Variants in RAPGEFL1 observed in about 807,000 individuals in gnomAD.
RAPGEFL1 encodes the protein Rap guanine nucleotide exchange factor like 1, also known as rap guanine nucleotide exchange factor-like 1.
A neutral mutation model predicts 64.4 loss-of-function variants in RAPGEFL1; 31 were observed. The ratio of observed to expected loss-of-function variants is 0.48; its 90% CI spans 0.36 to 0.65. RAPGEFL1 has a LOEUF of 0.65. Ranked by LOEUF, RAPGEFL1 falls within the 30% of genes least tolerant of loss-of-function variation. The pLI, the probability that RAPGEFL1 is intolerant of heterozygous loss-of-function variation, is 0.00. For missense variants in RAPGEFL1, 682 were observed against 677.4 expected (o/e 1.01, Z -0.08); for synonymous variants, 331 against 274.1 (o/e 1.21, Z -2.05).
chr17:40,186,300 GGCTCAC>G (rs1270072252), intron 4 of RAPGEFL1, among the ~76,000 whole-genome samples: 2 of 149,770 alleles, frequency 1.3e-5, no homozygotes, highest in African/African-American at 4.9e-5. Context: ...CGGGCGCGGT[GGCTCAC>G]GCCTGTAATC....
chr17:40,178,306 G>A lies in RAPGEFL1; in HGVS notation c.445G>A (p.Glu149Lys), dbSNP rs1438159091. Residue 149 changes from glutamate to lysine, a missense_variant, in exon 1 of 15, where the codon GAG (glutamate) becomes AAG (lysine). Glu to Lys is a moderately conservative substitution (Grantham distance 56). Transcript: ENST00000620260. ...GCCCTGGGCCCCTCTGGGCGCCCCC[G>A]AGCGGCCCGAGCATCTTCTGAACCG... ...SPPWAPLGAPERPEHLLNRVL... is the reference protein window; with the variant it reads ...SPPWAPLGAPKRPEHLLNRVL... 5 of 628,070 alleles carry A rather than the reference G, an allele frequency of 8.0e-6. No individual in the cohort carries two copies. Among genetic ancestry groups the A allele is most frequent in the Non-Finnish European group, 1.4e-5 (5 of 347,516 alleles). The allele number at this position is 628,070 out of a possible 1,614,324, so 38.9% of individuals were successfully genotyped here. A position where few individuals can be genotyped will look rare whatever the true frequency, so the allele number is the denominator to read the frequency against.
intron 4 of RAPGEFL1, 48 bp downstream of exon 4, chr17:40,184,726 G>A (rs888320734): frequency 6.8e-6 from 8 of 1,168,492 alleles, no homozygotes; most frequent in African/African-American, 6.2e-5. Flanking sequence ...GGTCCCCTGC[G>A]TTCCTCTACT....
intron 4 of RAPGEFL1, among the ~76,000 whole-genome samples, chr17:40,185,519 CAAAAAAAAAA>C (rs1012933421): frequency 8.3e-5 from 3 of 36,252 alleles, no homozygotes; most frequent in Admixed American, 8.2e-4. Flanking sequence ...GTCTCCACTA[CAAAAAAAAAA>C]AAAAAAAAAA....
In RAPGEFL1 at chr17:40,193,363, C is replaced by A. The variant is rs1287330575; in HGVS notation, c.1810C>A (p.His604Asn). ...AGGCTCATTCCTTGTCATCTCCCAGCATTCAGTGGCCGAAAAAGTGAGGAC... is the reference window on the plus strand; with the variant it reads ...AGGCTCATTCCTTGTCATCTCCCAGAATTCAGTGGCCGAAAAAGTGAGGAC... ...VDGLVNIEKL[H>N]SVAEKVRTIR... The change falls in exon 14 of 15, where the codon CAT (histidine) becomes AAT (asparagine). Residue 604 changes from histidine to asparagine, a missense_variant and splice_region_variant. Physicochemically the swap from His to Asn is moderately conservative, Grantham distance 68. Around this residue, in one of 2 missense-constraint regions of RAPGEFL1, gnomAD observed 411 missense variants for 519.4 expected, o/e 0.79. Coordinates refer to ENST00000620260, the MANE Select transcript of RAPGEFL1 (RefSeq NM_016339.6). 1.2e-6 allele frequency: 2 copies of A among 1,614,206 alleles called. No individual in the cohort carries two copies. Among genetic ancestry groups the A allele is most frequent in the East Asian group, 4.5e-5 (2 of 44,890 alleles).
At position 40,178,208 on chromosome 17, in the gene RAPGEFL1, G is replaced by A; in HGVS notation, c.347G>A (p.Gly116Glu). ...EEVPGPGPLG[G>E]GGPLRSPSSY... ...GTGCCGGGGCCCGGGCCTCTCGGGG[G>A]AGGGGGGCCCCTGCGCTCCCCTTCC... Residue 116 changes from glycine (G) to glutamate (E), a missense_variant, in exon 1 of 15, where the codon GGA (glycine) becomes GAA (glutamate). By Grantham distance (98) the Gly-to-Glu change is moderately conservative. Coordinates refer to ENST00000620260, the MANE Select transcript of RAPGEFL1 (RefSeq NM_016339.6). 1 of 568,992 alleles carries A rather than the reference G, an allele frequency of 1.8e-6. No individual in the cohort carries two copies. Among genetic ancestry groups the A allele is most frequent in the Non-Finnish European group, 3.2e-6 (1 of 316,856 alleles). 35.2% of individuals were successfully genotyped at this position (568,992 alleles called of 1,614,324 possible).
At position 40,193,425 on chromosome 17, in the gene RAPGEFL1, C is replaced by G; in HGVS notation, c.1864+8C>G. 1 of 1,614,080 alleles carries G rather than the reference C, an allele frequency of 6.2e-7. No homozygotes were observed. The highest frequency in any genetic ancestry group is 8.5e-7 in the Non-Finnish European group (1 of 1,179,990). On this transcript the variant is annotated splice_region_variant and intron_variant, in intron 14 of 14. Transcript: ENST00000620260. ...ACCGGAGCCGGCCCCTTTGTGAGTA[C>G]CCAGGGTACTGAGAGCAGTACAGAT...
rs372404509 is a variant in RAPGEFL1 at position 40,192,972 on chromosome 17, G to A, written c.1791G>A (p.Leu597=). Residue 597 remains leucine (L), a synonymous_variant, in exon 13 of 15, where the codon TTG becomes TTA. Coordinates refer to ENST00000620260, the MANE Select transcript of RAPGEFL1 (RefSeq NM_016339.6). ...HEGSKTLVDG[L]VNIEKLHSVA... ...GGAGTAAGACCCTTGTAGATGGTTT[G>A]GTGAACATCGAGAAGCTGGTGAGTG... is the stretch of plus-strand genomic sequence containing the variant. 1.1e-4 allele frequency: 181 copies of A among 1,613,852 alleles called. No individual in the cohort carries two copies. The highest frequency in any genetic ancestry group is 1.5e-4 in the Non-Finnish European group (174 of 1,179,854).
Position 40,192,628 on chromosome 17 carries a change from G to A in RAPGEFL1, c.1679G>A (p.Ser560Asn). The A allele has an allele frequency of 6.2e-7, 1 of 1,613,862 alleles. No individual in the cohort carries two copies. Among genetic ancestry groups the A allele is most frequent in the Non-Finnish European group, 8.5e-7 (1 of 1,179,886 alleles). ...TAGGACCCCTGCAGGAACCACAAAAGCTACCGAGAAGTGATCTCCAAAATG... is the reference window on the plus strand; with the variant it reads ...TAGGACCCCTGCAGGAACCACAAAAACTACCGAGAAGTGATCTCCAAAATG... Reference protein sequence around the residue: ...NLTDPCRNHKSYREVISKMKP... With the variant: ...NLTDPCRNHKNYREVISKMKP... Residue 560 changes from serine (S) to asparagine (N), a missense_variant, in exon 12 of 15, where the codon AGC becomes AAC. This residue lies in a region of RAPGEFL1 where 411 missense variants were observed against 519.4 expected (regional missense o/e 0.79). Coordinates refer to ENST00000620260, the MANE Select transcript of RAPGEFL1 (RefSeq NM_016339.6).
At chr17:40,190,271 C>A (rs1303590679) in intron 6 of RAPGEFL1, among the ~76,000 whole-genome samples, 163 bp from the exon 7 acceptor site, 3 of 152,212 alleles carry the variant, frequency 2.0e-5, no homozygotes, top group African/African-American at 7.2e-5. Context: ...AATCATTTGA[C>A]AAATTCCAGA....
At chr17:40,183,569 G>C (rs1261822248) in intron 2 of RAPGEFL1, among the ~76,000 whole-genome samples, 2 of 148,502 alleles carry the variant, frequency 1.3e-5, no homozygotes, top group Non-Finnish European at 3.0e-5. Context: ...GCCCAGGCTG[G>C]AGTGCAATGG....
Position 40,192,148 on chromosome 17 carries a change from G to A in RAPGEFL1, c.1606-65G>A, listed in dbSNP as rs373417060. 2.8e-5 allele frequency: 41 copies of A among 1,470,222 alleles called. No individual in the cohort carries two copies. In the African/African-American group the frequency reaches 5.2e-4, roughly 18 times the overall value. The allele number at this position is 1,470,222 out of a possible 1,614,324, so 91.1% of individuals were successfully genotyped here. A position where few individuals can be genotyped will look rare whatever the true frequency, so the allele number is the denominator to read the frequency against. Reference sequence around the variant, plus strand: ...GCCCTCCAACAGGGAGAATTAATCCGAGGCTCCCATGTAACCCAAGGAGCT... The same window carrying A: ...GCCCTCCAACAGGGAGAATTAATCCAAGGCTCCCATGTAACCCAAGGAGCT... On this transcript the variant is annotated intron_variant, in intron 10 of 14. Transcript: ENST00000620260.
In RAPGEFL1 at chr17:40,189,243, G is replaced by A. The variant is rs768709613; in HGVS notation, c.982G>A (p.Val328Met). The A allele has an allele frequency of 7.4e-6, 12 of 1,614,038 alleles. No individual in the cohort carries two copies. The highest frequency in any genetic ancestry group is 1.6e-4 in the Middle Eastern group (1 of 6,084). Residue 328 changes from valine (V) to methionine (M), a missense_variant, in exon 6 of 15, where the codon GTG becomes ATG. By Grantham distance (21) the Val-to-Met change is conservative (BLOSUM62 1). This residue lies in a region of RAPGEFL1 where 411 missense variants were observed against 519.4 expected (regional missense o/e 0.79). Transcript: ENST00000620260. ...TGTATACATGCCTGACCACTCTTAT[G>A]TGACCATACGCAGCCGCCTTTCAGC... ...CRVYMPDHSY[V>M]TIRSRLSASV...
intron 2 of RAPGEFL1, among the ~76,000 whole-genome samples, chr17:40,182,160 T>C (rs1337931929): frequency 1.3e-5 from 2 of 152,176 alleles, no homozygotes; most frequent in African/African-American, 4.8e-5. Flanking sequence ...TTGTACAGAT[T>C]ACCTAACCTC....
In RAPGEFL1 at chr17:40,190,839, A is replaced by G. The variant is rs555660696; in HGVS notation, c.1335+77A>G. Reference sequence around the variant, plus strand: ...ATTGGGAGACGGTGTTCGCAGCACAACGTCCTGGTTCCAAGGCTCACTTGC... The same window carrying G: ...ATTGGGAGACGGTGTTCGCAGCACAGCGTCCTGGTTCCAAGGCTCACTTGC... On this transcript the variant is annotated intron_variant, in intron 8 of 14. Coordinates refer to ENST00000620260, the MANE Select transcript of RAPGEFL1 (RefSeq NM_016339.6). The G allele has an allele frequency of 7.8e-5, 123 of 1,576,396 alleles. No homozygotes were observed. In the African/African-American group the frequency reaches 1.5e-3, roughly 19 times the overall value.
chr17:40,177,405 C>G, upstream of RAPGEFL1: 2 of 524,142 alleles, frequency 3.8e-6, no homozygotes, highest in South Asian at 3.1e-5. Flanking sequence ...GGGGGCGAGC[C>G]GAGGAAGGGT....
intron 3 of RAPGEFL1, 109 bp downstream of exon 3, chr17:40,184,458 AG>A: frequency 8.3e-7 from 1 of 1,202,018 alleles, no homozygotes; most frequent in Non-Finnish European, 1.2e-6. Context: ...AAGAGATGCC[AG>A]GGGGCCTTAG....
chr17:40,179,647 G>A (rs1222799384), intron 1 of RAPGEFL1, among the ~76,000 whole-genome samples: 1 of 152,166 alleles, frequency 6.6e-6, no homozygotes, highest in Non-Finnish European at 1.5e-5. Flanking sequence ...CCCAAATCTG[G>A]TTAGTTCTGA....
At chr17:40,180,983 T>C (rs1009262226) in intron 1 of RAPGEFL1, among the ~76,000 whole-genome samples, 5 of 152,154 alleles carry the variant, frequency 3.3e-5, no homozygotes, top group Admixed American at 3.3e-4. Context: ...GACGGGGGTG[T>C]GGAGGGGAAA....
chr17:40,177,043 G>A (rs1172458504), upstream of RAPGEFL1: 3 of 701,362 alleles, frequency 4.3e-6, no homozygotes, highest in East Asian at 5.4e-5. Flanking sequence ...GATGGGCACC[G>A]CCTCCAGTGG....
Sources: allele counts gnomAD v4.1 joint callset (sites outside exome capture counted in the v4.1 genomes callset), GRCh38; gene constraint gnomAD v4.1.1; regional missense constraint gnomAD v4.1.1; transcripts MANE v1.5; gene names NCBI Gene and HGNC (gene_info 2026-07-23, HGNC 2026-07-21).